The following SLC35F4 variants were observed in gnomAD, a reference collection of about 807,000 sequenced individuals.
The protein encoded by SLC35F4 is chromosome 14 open reading frame 36.
Under a neutral mutation model 44.2 loss-of-function variants are expected in SLC35F4, and 24 were observed. The ratio of observed to expected loss-of-function variants is 0.54; its 90% CI spans 0.39 to 0.76. SLC35F4 has a LOEUF of 0.76. SLC35F4 is among the 30% of genes least tolerant of loss of function. SLC35F4 has a pLI of 0.00. For synonymous variants in SLC35F4, 238 were observed against 223.6 expected (o/e 1.06, Z -0.57); for missense variants, 562 against 586.1 (o/e 0.96, Z 0.42).
chr14:57,939,304 G>A (rs1271063649), intron 1 of SLC35F4, among the ~76,000 whole-genome samples: 1 of 152,166 alleles, frequency 6.6e-6, no homozygotes, highest in Non-Finnish European at 1.5e-5. Context: ...AAGGGTCACA[G>A]CTAGACCTCA....
At chr14:57,926,732 G>T (rs550818588) in intron 1 of SLC35F4, among the ~76,000 whole-genome samples, 10 of 150,296 alleles carry the variant, frequency 6.7e-5, no homozygotes, top group Admixed American at 1.3e-4. Flanking sequence ...GGTTGGGGGG[G>T]GGGGGTGGAT....
chr14:57,836,268 T>C (rs1884908451), intron 1 of SLC35F4, among the ~76,000 whole-genome samples: 1 of 152,164 alleles, frequency 6.6e-6, no homozygotes, highest in African/African-American at 2.4e-5. Context: ...TTATTTAACA[T>C]TGAAATTTTA....
chr14:57,675,925 C>G (rs1011740067), intron 1 of SLC35F4, among the ~76,000 whole-genome samples: 7 of 151,976 alleles, frequency 4.6e-5, no homozygotes, highest in African/African-American at 1.7e-4. Context: ...GAATTCATGA[C>G]TAAGACCCCA....
intron 1 of SLC35F4, among the ~76,000 whole-genome samples, chr14:57,697,016 C>T (rs1483583862): frequency 6.6e-6 from 1 of 152,122 alleles, no homozygotes; most frequent in South Asian, 2.1e-4. Context: ...CAGCAAACTA[C>T]CATGGCACGT....
intron 3 of SLC35F4, among the ~76,000 whole-genome samples, chr14:57,588,408 A>G (rs1472212505): frequency 6.6e-6 from 1 of 151,036 alleles, no homozygotes; most frequent in African/African-American, 2.4e-5. Context: ...GTCACTTCTC[A>G]GCATCAGGCT....
At chr14:57,891,172 A>C (rs1158695390) in intron 1 of SLC35F4, among the ~76,000 whole-genome samples, 5 of 152,248 alleles carry the variant, frequency 3.3e-5, no homozygotes, top group South Asian at 4.1e-4. Flanking sequence ...GTATCAAAAA[A>C]AGATTTTTTA....
At chr14:57,688,060 A>G (rs1009385987) in intron 1 of SLC35F4, among the ~76,000 whole-genome samples, 6 of 152,160 alleles carry the variant, frequency 3.9e-5, no homozygotes, top group African/African-American at 1.4e-4. Context: ...ATTCTGATAG[A>G]TATCATTTAT....
chr14:57,928,912 C>T (rs137920391), intron 1 of SLC35F4, among the ~76,000 whole-genome samples: 77 of 152,186 alleles, frequency 5.1e-4, no homozygotes, highest in African/African-American at 1.7e-3. Flanking sequence ...ACAAAAGCTC[C>T]GTGGATGGTT....
At chr14:57,753,094 G>A (rs775560195) in intron 1 of SLC35F4, among the ~76,000 whole-genome samples, 55 of 152,188 alleles carry the variant, frequency 3.6e-4, no homozygotes, top group Non-Finnish European at 4.6e-4. Flanking sequence ...TTGCTTTCAA[G>A]GCACAGCCAC....
intron 1 of SLC35F4, among the ~76,000 whole-genome samples, chr14:57,861,244 C>A (rs1595241092): frequency 6.6e-6 from 1 of 152,110 alleles, no homozygotes; most frequent in African/African-American, 2.4e-5. Flanking sequence ...AAGACTGCAG[C>A]AACCAGAAGA....
In SLC35F4 at chr14:57,828,999, T is replaced by C. The variant is rs573161763; in HGVS notation, c.103+36724A>G. 2.6e-5 allele frequency among the ~76,000 whole-genome samples: 4 copies of C among 152,320 alleles called. No homozygotes were observed. In the East Asian group the frequency reaches 7.7e-4, roughly 29 times the overall value. On this transcript the variant is annotated intron_variant, in intron 1 of 7. Coordinates refer to ENST00000556826, the MANE Select transcript of SLC35F4 (RefSeq NM_001306087.2). Reference sequence around the variant, plus strand: ...CCTTTTAAATGCCCTTGGAGTTAGATTTCTGGGCATTCACTATGCACATGC... The same window carrying C: ...CCTTTTAAATGCCCTTGGAGTTAGACTTCTGGGCATTCACTATGCACATGC...
chr14:57,937,555 GAAAGAAAAGA>G (rs78960216), intron 1 of SLC35F4, among the ~76,000 whole-genome samples: 9 of 129,134 alleles, frequency 7.0e-5, no homozygotes, highest in Admixed American at 4.2e-4. Flanking sequence ...AGGAAGGAAG[GAAAGAAAAGA>G]AAAGAAAAGA....
chr14:57,943,326 G>A (rs963881192), intron 1 of SLC35F4, among the ~76,000 whole-genome samples: 2 of 152,194 alleles, frequency 1.3e-5, no homozygotes, highest in Non-Finnish European at 2.9e-5. Flanking sequence ...TCAGCAAAGA[G>A]CAGTGGGATT....
At chr14:57,887,605 A>G (rs1888676369) in intron 1 of SLC35F4, among the ~76,000 whole-genome samples, 1 of 152,144 alleles carries the variant, frequency 6.6e-6, no homozygotes, top group Non-Finnish European at 1.5e-5. Context: ...TGTCACCTCA[A>G]TGAGGAGTTA....
intron 1 of SLC35F4, among the ~76,000 whole-genome samples, chr14:57,730,393 C>T (rs930313188): frequency 2.9e-5 from 2 of 69,088 alleles, no homozygotes; most frequent in East Asian, 3.9e-4. Context: ...TGATGATCAG[C>T]GATGTTGAAC....
rs72711179 is a variant in SLC35F4, at chr14:57,678,627, C to T, written c.104-84503G>A. 5.6e-3 allele frequency among the ~76,000 whole-genome samples: 855 copies of T among 151,408 alleles called. 6 individuals carry two copies. The highest frequency in any genetic ancestry group is 0.021 in the South Asian group (103 of 4,798). ...ACTGTGCTGTATTCAGGAGACCCATCGCAAGTGCAAAGATACACACAGGCT... is the reference window on the plus strand; with the variant it reads ...ACTGTGCTGTATTCAGGAGACCCATTGCAAGTGCAAAGATACACACAGGCT... On this transcript the variant is annotated intron_variant, in intron 1 of 7. Transcript: ENST00000556826.
intron 1 of SLC35F4, among the ~76,000 whole-genome samples, chr14:57,666,063 CCT>C (rs2074297720): frequency 6.6e-6 from 1 of 152,138 alleles, no homozygotes; most frequent in African/African-American, 2.4e-5. Context: ...ACAACAGACC[CCT>C]GTGACACAAG....
intron 1 of SLC35F4, among the ~76,000 whole-genome samples, chr14:57,662,112 A>G (rs2074157182): frequency 6.6e-6 from 1 of 152,200 alleles, no homozygotes. Flanking sequence ...CATTCACTCT[A>G]ACAACTCCAA....
At chr14:57,571,434 T>G (rs1362911586) in intron 5 of SLC35F4, among the ~76,000 whole-genome samples, 1 of 152,216 alleles carries the variant, frequency 6.6e-6, no homozygotes, top group Non-Finnish European at 1.5e-5. Flanking sequence ...TAGTGACAGC[T>G]TATTTCTAAC....
Sources: allele counts gnomAD v4.1 joint callset (sites outside exome capture counted in the v4.1 genomes callset), GRCh38; gene constraint gnomAD v4.1.1; transcripts MANE v1.5; gene names NCBI Gene and HGNC (gene_info 2026-07-23, HGNC 2026-07-21).